The following CCDC136 variants were observed in gnomAD, a reference collection of about 807,000 sequenced individuals.
CCDC136 encodes coiled-coil domain-containing protein 136.
CCDC136 carries 100 observed loss-of-function variants against 141.2 expected under a neutral mutation model. That is an observed-to-expected ratio of 0.71 (90% confidence interval 0.60 to 0.84). The LOEUF (loss-of-function observed/expected upper bound fraction) is 0.84. Ranked by LOEUF, CCDC136 falls within the 40% of genes least tolerant of loss-of-function variation. CCDC136 has a pLI of 0.00. For missense variants in CCDC136, 1,206 were observed against 1,379.4 expected, an observed-to-expected ratio of 0.87 and a Z score of 1.99; for synonymous variants, 474 against 531.9, an observed-to-expected ratio of 0.89 and a Z score of 1.50.
upstream of CCDC136, among the ~76,000 whole-genome samples, chr7:128,791,180 T>G (rs1302905685): frequency 6.6e-6 from 1 of 152,048 alleles, no homozygotes; most frequent in Non-Finnish European, 1.5e-5. The surrounding 1 kb of genome is among the most constrained non-coding windows in gnomAD (Gnocchi z 7.1). Context: ...TCCTCCCTCT[T>G]GGGGCAGCCA....
intron 12 of CCDC136, 84 bp from the exon 13 acceptor site, chr7:128,811,716 C>G (rs1003468716): frequency 4.6e-6 from 6 of 1,307,330 alleles, no homozygotes; most frequent in Non-Finnish European, 6.3e-6. Flanking sequence ...AAGGTGTGCT[C>G]TCAGACATCT....
chr7:128,792,980 G>C (rs1802415045), intron 1 of CCDC136, among the ~76,000 whole-genome samples: 1 of 152,194 alleles, frequency 6.6e-6, no homozygotes, highest in Non-Finnish European at 1.5e-5. Flanking sequence ...GCCAACACCA[G>C]GCCCCTGGAA....
chr7:128,792,774 T>C (rs1802378260), intron 1 of CCDC136, among the ~76,000 whole-genome samples: 1 of 152,240 alleles, frequency 6.6e-6, no homozygotes, highest in Non-Finnish European at 1.5e-5. Context: ...AAGCTGTCTC[T>C]TATTTTAAAA....
Position 128,814,792 on chromosome 7 carries a change from C to A in CCDC136, c.2918C>A (p.Ser973Tyr). ...ELRQLREKRP[S>Y]VVKEARGKNA... is the part of the protein sequence containing the mutation. ...CGCCAGCTCAGGGAGAAGAGGCCTT[C>A]TGTTGTCAAAGAAGCCCGGGGGAAG... The change falls in exon 15 of 18, where the codon TCT (serine) becomes TAT (tyrosine). Residue 973 changes from serine to tyrosine, a missense_variant. Coordinates refer to ENST00000297788, the MANE Select transcript of CCDC136 (RefSeq NM_022742.5). 1 of 1,612,928 alleles carries A rather than the reference C, an allele frequency of 6.2e-7. No individual in the cohort carries two copies. Among genetic ancestry groups the A allele is most frequent in the Non-Finnish European group, 8.5e-7 (1 of 1,179,368 alleles).
chr7:128,809,534 C>G lies in CCDC136; in HGVS notation c.1690C>G (p.Gln564Glu), dbSNP rs1293302694. ...GGAGATGGGGCAGCTGCAGATGGAGCAGTGTGAGCTCCTGGAGGATCAGAG... is the reference window on the plus strand; with the variant it reads ...GGAGATGGGGCAGCTGCAGATGGAGGAGTGTGAGCTCCTGGAGGATCAGAG... ...QKEMGQLQME[Q>E]CELLEDQRRM... Residue 564 changes from glutamine (Q) to glutamate (E), a missense_variant, in exon 11 of 18, where the codon CAG (glutamine) becomes GAG (glutamate). Gln to Glu is a conservative substitution (Grantham distance 29). Transcript: ENST00000297788. 3 of 1,558,118 alleles carry G rather than the reference C, an allele frequency of 1.9e-6. No homozygotes were observed. Among genetic ancestry groups the G allele is most frequent in the South Asian group, 2.4e-5 (2 of 84,334 alleles).
intron 15 of CCDC136, 121 bp from the exon 16 acceptor site, chr7:128,815,493 C>A: frequency 1.7e-6 from 2 of 1,144,506 alleles, no homozygotes; most frequent in Non-Finnish European, 2.4e-6. Flanking sequence ...GAGCACCGGG[C>A]CACACCCTTG....
chr7:128,791,507 C>T, upstream of CCDC136: 5 of 1,298,192 alleles, frequency 3.9e-6, no homozygotes, highest in Non-Finnish European at 4.9e-6. The surrounding 1 kb of genome is among the most constrained non-coding windows in gnomAD (Gnocchi z 7.1). Context: ...GAGGCGGGCG[C>T]CGGAGCCGGC....
chr7:128,817,770 C>T lies in CCDC136; in HGVS notation c.3376C>T (p.Pro1126Ser). The T allele has an allele frequency of 6.2e-7, 1 of 1,613,664 alleles. No homozygotes were observed. The highest frequency in any genetic ancestry group is 2.2e-5 in the East Asian group (1 of 44,866). The change falls in exon 17 of 18, where the codon CCC (proline) becomes TCC (serine). Residue 1126 changes from proline to serine, a missense_variant. Coordinates refer to ENST00000297788, the MANE Select transcript of CCDC136 (RefSeq NM_022742.5). The surrounding 1 kb of genome is among the most constrained non-coding windows in gnomAD (Gnocchi z 4.6). ...LSESKKSSPT[P>S]NPPIFSLPLV... is the part of the protein sequence containing the mutation. ...TGGTGTGTTGCAGTCATCCCCTACC[C>T]CCAATCCCCCCATCTTCTCCTTGCC...
chr7:128,791,460 C>T, upstream of CCDC136: 2 of 1,316,994 alleles, frequency 1.5e-6, no homozygotes, highest in South Asian at 2.2e-5. This position sits in a 1 kb window ranked among gnomAD's most constrained non-coding sequence, Gnocchi z 7.1. Context: ...GCGGCTTCTG[C>T]TCAGGGAGGC....
chr7:128,818,674 A>T (rs1807011210), intron 17 of CCDC136, among the ~76,000 whole-genome samples: 2 of 152,204 alleles, frequency 1.3e-5, no homozygotes, highest in South Asian at 4.1e-4. Flanking sequence ...GGAAATCAAG[A>T]CTGATATATT....
chr7:128,807,529 GA>G lies in CCDC136; in HGVS notation c.1592del (p.Lys531SerfsTer13). 1 of 1,466,528 alleles carries G rather than the reference GA, an allele frequency of 6.8e-7. No individual in the cohort carries two copies. Among genetic ancestry groups the G allele is most frequent in the Non-Finnish European group, 9.1e-7 (1 of 1,100,550 alleles). 90.8% of individuals were successfully genotyped at this position (1,466,528 alleles called of 1,614,324 possible). A position where few individuals can be genotyped will look rare whatever the true frequency, so the allele number is the denominator to read the frequency against. ...TCCCACCCCATTCCGGAGGACAAAG[GA>G]AAGTGTGCTAATAAGGTAATTGTCG... ...KASHPIPEDKGKCANKCDTLL... is the reference protein window; with the variant it reads ...KASHPIPEDKXKCANKCDTLL... On this transcript the variant is annotated frameshift_variant, in exon 10 of 18. Transcript: ENST00000297788. LOFTEE classifies it high-confidence loss of function.
At chr7:128,809,183 C>T (rs1245049004) in intron 10 of CCDC136, 1 of 392,672 alleles carries the variant, frequency 2.5e-6, no homozygotes, top group Non-Finnish European at 4.5e-6. Flanking sequence ...CATTCCCCAT[C>T]AAACTGCCCC....
intron 3 of CCDC136, among the ~76,000 whole-genome samples, chr7:128,798,864 C>G (rs1803528532): frequency 6.6e-6 from 1 of 151,990 alleles, no homozygotes; most frequent in Admixed American, 6.6e-5. Flanking sequence ...GACGTAACAG[C>G]TAGGATCATT....
Position 128,807,349 on chromosome 7 carries a change from C to G in CCDC136, c.1420-11C>G, listed in dbSNP as rs113754982. ...CCTGGGATGATGGCCAGGCCTGCCT[C>G]CCCTGCCCAGGACACAGAGACGCAC... On this transcript the variant is annotated splice_polypyrimidine_tract_variant and intron_variant, in intron 9 of 17. Coordinates refer to ENST00000297788, the MANE Select transcript of CCDC136 (RefSeq NM_022742.5). 6.8e-7 allele frequency: 1 copy of G among 1,464,306 alleles called. No individual in the cohort carries two copies. The highest frequency in any genetic ancestry group is 9.1e-7 in the Non-Finnish European group (1 of 1,100,888). The allele number at this position is 1,464,306 out of a possible 1,614,324, so 90.7% of individuals were successfully genotyped here.
chr7:128,792,364 T>C lies in CCDC136; in HGVS notation c.-48T>C. The C allele has an allele frequency of 6.4e-7, 1 of 1,557,568 alleles. No individual in the cohort carries two copies. Among genetic ancestry groups the C allele is most frequent in the Non-Finnish European group, 8.7e-7 (1 of 1,147,054 alleles). Reference sequence around the variant, plus strand: ...AGGCTCCTATGAGGCTTCCGAGGGCTGTGAGAGGAAGAAGGGCCAACGCTG... The same window carrying C: ...AGGCTCCTATGAGGCTTCCGAGGGCCGTGAGAGGAAGAAGGGCCAACGCTG... On this transcript the variant is annotated 5_prime_UTR_variant, in exon 1 of 18. Transcript: ENST00000297788.
chr7:128,802,890 C>T (rs1456132882), intron 4 of CCDC136, among the ~76,000 whole-genome samples: 2 of 152,150 alleles, frequency 1.3e-5, no homozygotes, highest in Non-Finnish European at 2.9e-5. Flanking sequence ...AAATGTGAAG[C>T]ATGTTGAAAT....
At chr7:128,793,623 G>A (rs1343480538) in intron 1 of CCDC136, among the ~76,000 whole-genome samples, 2 of 152,102 alleles carry the variant, frequency 1.3e-5, no homozygotes, top group Non-Finnish European at 2.9e-5. Context: ...TTGTTTGTTT[G>A]TTTGAGACGG....
Position 128,821,948 on chromosome 7 carries a change from G to C in CCDC136, c.*155G>C, listed in dbSNP as rs1418016303. The stretch of plus-strand genomic sequence containing the variant: ...CCAGCGCGAGGGCAGATCCCCAGTG[G>C]CCACCACCCTCAGCTTTGGGCAGGA... On this transcript the variant is annotated 3_prime_UTR_variant, in exon 18 of 18. Coordinates refer to ENST00000297788, the MANE Select transcript of CCDC136 (RefSeq NM_022742.5). The surrounding 1 kb of genome is among the most constrained non-coding windows in gnomAD (Gnocchi z 5.1). 1.6e-6 allele frequency: 2 copies of C among 1,289,392 alleles called. No individual in the cohort carries two copies. Among genetic ancestry groups the C allele is most frequent in the Admixed American group, 4.6e-5 (2 of 43,550 alleles). 79.9% of individuals were successfully genotyped at this position (1,289,392 alleles called of 1,614,324 possible). A position where few individuals can be genotyped will look rare whatever the true frequency, so the allele number is the denominator to read the frequency against.
chr7:128,812,735 C>T lies in CCDC136; in HGVS notation c.2569C>T (p.Leu857=). ...ERFEEMVVKV[L]IKLQAVQAMY... is the part of the protein sequence containing the mutation. ...CTTTGAGGAAATGGTTGTGAAAGTG[C>T]TGATCAAGCTGCAGGCGGTGCAGGC... Residue 857 remains leucine, a synonymous_variant, in exon 14 of 18, where the codon CTG becomes TTG. Transcript: ENST00000297788. The T allele has an allele frequency of 6.2e-7, 1 of 1,613,362 alleles. No individual in the cohort carries two copies. The highest frequency in any genetic ancestry group is 1.1e-5 in the South Asian group (1 of 91,004).
Sources: allele counts gnomAD v4.1 joint callset (sites outside exome capture counted in the v4.1 genomes callset), GRCh38; gene constraint gnomAD v4.1.1; non-coding constraint Gnocchi (gnomAD v3.1); transcripts MANE v1.5; gene names NCBI Gene and HGNC (gene_info 2026-07-23, HGNC 2026-07-21).